Variants in FANCE observed in about 807,000 individuals in gnomAD.
FANCE encodes Fanconi anemia group E protein.
A neutral mutation model predicts 57.8 loss-of-function variants in FANCE; 42 were observed. The observed-to-expected ratio is 0.73, with a 90% confidence interval of 0.57 to 0.94. FANCE has a LOEUF of 0.94. FANCE is among the 40% of genes least tolerant of loss of function. The pLI is 0.00. For synonymous variants in FANCE, 251 were observed against 286.4 expected, an observed-to-expected ratio of 0.88 and a Z score of 1.25; for missense variants, 608 against 661.8, an observed-to-expected ratio of 0.92 and a Z score of 0.89.
Position 35,457,575 on chromosome 6 carries a change from A to C in FANCE, c.875A>C (p.Gln292Pro), listed in dbSNP as rs1767398617. The C allele has an allele frequency of 6.2e-7, 1 of 1,613,796 alleles. No homozygotes were observed. The highest frequency in any genetic ancestry group is 1.7e-5 in the Admixed American group (1 of 60,000). The change falls in exon 3 of 10, where the codon CAG (glutamine) becomes CCG (proline). Residue 292 changes from glutamine to proline, a missense_variant. By Grantham distance (76) the Gln-to-Pro change is moderately conservative. Coordinates refer to ENST00000229769, the MANE Select transcript of FANCE (RefSeq NM_021922.3). ...CCACAGGACCAGCTTCCCAGGCTGC[A>C]GCAGCTGCTGAAGACCTTGGAGGAG... is the stretch of plus-strand genomic sequence containing the variant. ...KAIQDQLPRLQQLLKTLEEGL... is the reference protein window; with the variant it reads ...KAIQDQLPRLPQLLKTLEEGL...
intron 9 of FANCE, among the ~76,000 whole-genome samples, chr6:35,463,665 T>TTTTTTTTTTTTTTTGAGTC (rs1767685957): frequency 1.4e-5 from 2 of 146,798 alleles, no homozygotes; most frequent in Non-Finnish European, 3.0e-5. Context: ...CTTCCTGACT[T>TTTTTTTTTTTTTTTGAGTC]TTTTTTTTTT....
intron 8 of FANCE, among the ~76,000 whole-genome samples, chr6:35,461,486 T>A (rs1309689802): frequency 6.6e-6 from 1 of 152,204 alleles, no homozygotes; most frequent in Non-Finnish European, 1.5e-5. Context: ...TGGAAACATG[T>A]CTACTCTTAC....
chr6:35,463,599 G>A (rs2150902563), intron 9 of FANCE, among the ~76,000 whole-genome samples: 1 of 151,780 alleles, frequency 6.6e-6, no homozygotes, highest in Admixed American at 6.6e-5. Flanking sequence ...AAGGGCATTT[G>A]GTGGCAAAAG....
chr6:35,452,587 G>A lies in FANCE; in HGVS notation c.42G>A (p.Val14=). 7.5e-7 allele frequency: 1 copy of A among 1,327,750 alleles called. No individual in the cohort carries two copies. Among genetic ancestry groups the A allele is most frequent in the Admixed American group, 2.9e-5 (1 of 34,186 alleles). 82.2% of individuals were successfully genotyped at this position (1,327,750 alleles called of 1,614,324 possible). Residue 14 remains valine (V), a synonymous_variant, in exon 1 of 10, where the codon GTG becomes GTA. Transcript: ENST00000229769. ...PDAGLPGAEG[V]EPAPWAQLEA... is the part of the protein sequence containing the mutation. The stretch of plus-strand genomic sequence containing the variant: ...CGGGGCTCCCTGGGGCTGAGGGCGT[G>A]GAGCCGGCGCCCTGGGCGCAGCTGG...
chr6:35,460,645 G>A, intron 8 of FANCE, 27 bp downstream of exon 8: 3 of 1,604,506 alleles, frequency 1.9e-6, no homozygotes, highest in Non-Finnish European at 2.6e-6. Context: ...GGGGAAGAGT[G>A]GACAAAGAAG....
chr6:35,460,124 G>T (rs1054450805), intron 7 of FANCE, among the ~76,000 whole-genome samples: 2 of 115,094 alleles, frequency 1.7e-5, no homozygotes, highest in African/African-American at 6.6e-5. Context: ...TTGGCGGGGG[G>T]TGGGGGGTGG....
chr6:35,462,707 G>C (rs1486336709), intron 8 of FANCE, 82 bp from the exon 9 acceptor site: 6 of 1,592,952 alleles, frequency 3.8e-6, no homozygotes, highest in Non-Finnish European at 5.1e-6. Flanking sequence ...AAGTGGTGGA[G>C]TTGGGAATTG....
In FANCE at chr6:35,458,280, C is replaced by T; in HGVS notation, c.970-17C>T. ...GCATGTCCCGGTGTCCTCTCTCCCC[C>T]CGCACTCTGTAAGCAGATGGACTTG... On this transcript the variant is annotated splice_polypyrimidine_tract_variant and intron_variant, in intron 4 of 9. Transcript: ENST00000229769. 2 of 1,613,116 alleles carry T rather than the reference C, an allele frequency of 1.2e-6. No homozygotes were observed. The highest frequency in any genetic ancestry group is 2.2e-5 in the East Asian group (1 of 44,880).
Position 35,466,514 on chromosome 6 carries a change from C to CT in FANCE, c.*169_*170insT, listed in dbSNP as rs1767844921. On this transcript the variant is annotated 3_prime_UTR_variant, in exon 10 of 10. Coordinates refer to ENST00000229769, the MANE Select transcript of FANCE (RefSeq NM_021922.3). ...AGGCTGCATAGGGAATATTGGCTTC[C>CT]CAGCCAGCAGGGAGGCTCCTGGGCT... 1.5e-6 allele frequency: 1 copy of CT among 654,942 alleles called. No homozygotes were observed. Among genetic ancestry groups the CT allele is most frequent in the Non-Finnish European group, 2.8e-6 (1 of 358,866 alleles). 40.6% of individuals were successfully genotyped at this position (654,942 alleles called of 1,614,324 possible).
chr6:35,458,059 T>A (rs1413870912), intron 4 of FANCE, 75 bp downstream of exon 4: 2 of 1,444,768 alleles, frequency 1.4e-6, no homozygotes, highest in Admixed American at 3.5e-5. Context: ...GTTTATGTTT[T>A]CCTACCTCAT....
intron 9 of FANCE, 21 bp from the exon 10 acceptor site, chr6:35,466,223 A>C: frequency 6.6e-7 from 1 of 1,524,290 alleles, no homozygotes; most frequent in Non-Finnish European, 9.1e-7. Context: ...GAGTCCTGAC[A>C]TGATTTTTCC....
chr6:35,458,037 TTTTCTA>T, intron 4 of FANCE, 53 bp downstream of exon 4: 1 of 1,531,572 alleles, frequency 6.5e-7, no homozygotes, highest in Admixed American at 1.7e-5. Flanking sequence ...TCCCTTATCT[TTTTCTA>T]TTTAAGTTTA....
chr6:35,457,742 G>A, intron 3 of FANCE, 142 bp downstream of exon 3: 1 of 1,126,028 alleles, frequency 8.9e-7, no homozygotes, highest in South Asian at 1.3e-5. Flanking sequence ...GACAGTCTCT[G>A]AAGGAGCTTT....
intron 7 of FANCE, 115 bp from the exon 8 acceptor site, chr6:35,460,437 T>C: frequency 9.8e-7 from 1 of 1,024,628 alleles, no homozygotes; most frequent in Non-Finnish European, 1.5e-6. Flanking sequence ...CTTTGTTGGC[T>C]GGGGATCTTG....
chr6:35,452,836 G>A (rs971658692), intron 1 of FANCE, 43 bp downstream of exon 1: 1 of 1,282,396 alleles, frequency 7.8e-7, no homozygotes. Flanking sequence ...TGGGAGGCGG[G>A]GGGCTGTCGG....
rs1767399255 is a variant in FANCE at position 35,457,580 on chromosome 6, C to T, written c.880C>T (p.Leu294=). 2.5e-6 allele frequency: 4 copies of T among 1,613,958 alleles called. No individual in the cohort carries two copies. Among genetic ancestry groups the T allele is most frequent in the Non-Finnish European group, 3.4e-6 (4 of 1,180,032 alleles). ...IQDQLPRLQQ[L]LKTLEEGLEG... ...GGACCAGCTTCCCAGGCTGCAGCAG[C>T]TGCTGAAGACCTTGGAGGAGGTGAC... is the stretch of plus-strand genomic sequence containing the variant. The change falls in exon 3 of 10, where the codon CTG becomes TTG. Residue 294 remains leucine (L), a synonymous_variant. Transcript: ENST00000229769.
rs1483919764 is a variant in FANCE at position 35,466,291 on chromosome 6, C to T, written c.1557C>T (p.Asn519=). 3 of 1,614,074 alleles carry T rather than the reference C, an allele frequency of 1.9e-6. No homozygotes were observed. The highest frequency in any genetic ancestry group is 2.2e-5 in the East Asian group (1 of 44,888). Residue 519 remains asparagine, a synonymous_variant, in exon 10 of 10, where the codon AAC becomes AAT. Transcript: ENST00000229769. ...GCCTGGCTATGGCCCTAGAACCTAA[C>T]ACCACCTTCCTGAGGAAGTCCCTGA... is the stretch of plus-strand genomic sequence containing the variant. ...RLGLAMALEP[N]TTFLRKSLKA...
At position 35,455,825 on chromosome 6, in the gene FANCE, G is replaced by C. The variant is rs1767304773; in HGVS notation, c.327G>C (p.Leu109=). Residue 109 remains leucine (L), a synonymous_variant, in exon 2 of 10, where the codon CTG becomes CTC. Coordinates refer to ENST00000229769, the MANE Select transcript of FANCE (RefSeq NM_021922.3). The part of the protein sequence containing the change: ...MSLLMAVRPS[L]PESGLLSVLQ... Reference sequence around the variant, plus strand: ...TGCTGATGGCCGTTCGGCCATCGCTGCCGGAAAGTGGGCTCCTCTCTGTGC... The same window carrying C: ...TGCTGATGGCCGTTCGGCCATCGCTCCCGGAAAGTGGGCTCCTCTCTGTGC... The C allele has an allele frequency of 1.9e-6, 3 of 1,614,058 alleles. No homozygotes were observed. Among genetic ancestry groups the C allele is most frequent in the Admixed American group, 1.7e-5 (1 of 60,008 alleles).
chr6:35,455,643 C>A (rs1175309182), intron 1 of FANCE, 104 bp from the exon 2 acceptor site: 1 of 1,391,530 alleles, frequency 7.2e-7, no homozygotes, highest in African/African-American at 1.4e-5. Flanking sequence ...TACTGCGTGC[C>A]AGCCCCCATC....
Sources: gnomAD v4.1 joint callset for allele counts (sites outside exome capture counted in the v4.1 genomes callset) on GRCh38, gnomAD v4.1.1 for gene constraint, MANE v1.5 for transcripts, NCBI Gene and HGNC (gene_info 2026-07-23, HGNC 2026-07-21) for gene names.